The following C8orf34 variants were observed in gnomAD, a reference collection of about 807,000 sequenced individuals.
C8orf34 encodes the protein uncharacterized protein C8orf34.
Under a neutral mutation model 68.3 loss-of-function variants are expected in C8orf34, and 65 were observed. The observed-to-expected ratio is 0.95, with a 90% CI of 0.78 to 1.17. C8orf34 has a LOEUF of 1.17. C8orf34 is among the 50% of genes most tolerant of loss of function. The probability of loss-of-function intolerance (pLI) is 0.00; values close to 1 mark genes in which losing one functional copy is unlikely to be tolerated. For missense variants in C8orf34, 664 were observed against 655.4 expected (o/e 1.01, Z -0.14); for synonymous variants, 244 against 241.2 (o/e 1.01, Z -0.11).
chr8:68,574,663 G>A (rs532929147), intron 7 of C8orf34, among the ~76,000 whole-genome samples: 2 of 152,006 alleles, frequency 1.3e-5, no homozygotes, highest in Non-Finnish European at 2.9e-5. Flanking sequence ...GTAACTTAAT[G>A]CATGTATTTG....
chr8:68,651,434 C>T (rs970633919), intron 8 of C8orf34, among the ~76,000 whole-genome samples: 3 of 152,258 alleles, frequency 2.0e-5, no homozygotes, highest in African/African-American at 7.2e-5. Flanking sequence ...AGGGTAAACT[C>T]CTTTTCTCTT....
At chr8:68,567,426 C>T (rs564489734) in intron 7 of C8orf34, among the ~76,000 whole-genome samples, 3 of 152,024 alleles carry the variant, frequency 2.0e-5, no homozygotes, top group Admixed American at 2.0e-4. Flanking sequence ...TTCATGGTAG[C>T]CTCGAATGAT....
chr8:68,645,137 A>C (rs982424079), intron 8 of C8orf34, among the ~76,000 whole-genome samples: 2 of 152,174 alleles, frequency 1.3e-5, no homozygotes, highest in Non-Finnish European at 2.9e-5. Context: ...GGAGTGTGAC[A>C]AAAGGGATCT....
chr8:68,339,811 C>T (rs1008239093), intron 1 of C8orf34, among the ~76,000 whole-genome samples: 1 of 151,702 alleles, frequency 6.6e-6, no homozygotes, highest in Non-Finnish European at 1.5e-5. Context: ...TAAAATTAAA[C>T]ATTTGTTCTT....
chr8:68,783,990 T>G (rs1823770317), intron 11 of C8orf34, among the ~76,000 whole-genome samples: 1 of 152,196 alleles, frequency 6.6e-6, no homozygotes, highest in Non-Finnish European at 1.5e-5. Context: ...TTACTGATAC[T>G]TTATGTTAGT....
intron 8 of C8orf34, among the ~76,000 whole-genome samples, chr8:68,688,364 C>T (rs1391452477): frequency 6.6e-6 from 1 of 152,034 alleles, no homozygotes; most frequent in Non-Finnish European, 1.5e-5. Context: ...AAAAGCCCAT[C>T]TACCAATGAA....
At chr8:68,504,609 T>C (rs1813922421) in intron 5 of C8orf34, among the ~76,000 whole-genome samples, 1 of 152,172 alleles carries the variant, frequency 6.6e-6, no homozygotes, top group Non-Finnish European at 1.5e-5. Flanking sequence ...AACCTCCATC[T>C]TCTGGGTTCC....
chr8:68,356,799 A>C (rs1454282766), intron 1 of C8orf34, among the ~76,000 whole-genome samples: 1 of 152,118 alleles, frequency 6.6e-6, no homozygotes, highest in Non-Finnish European at 1.5e-5. Context: ...TATACTGATA[A>C]TTTTAGATTG....
intron 7 of C8orf34, among the ~76,000 whole-genome samples, chr8:68,576,362 A>C (rs1490403604): frequency 1.3e-5 from 2 of 151,676 alleles, no homozygotes; most frequent in African/African-American, 4.9e-5. Context: ...GCTAACATTC[A>C]AGCAGATTTT....
At chr8:68,682,548 C>T (rs1820401321) in intron 8 of C8orf34, among the ~76,000 whole-genome samples, 1 of 151,988 alleles carries the variant, frequency 6.6e-6, no homozygotes, top group Non-Finnish European at 1.5e-5. Context: ...CAGAATTCTC[C>T]TGTGTCTACA....
intron 7 of C8orf34, among the ~76,000 whole-genome samples, chr8:68,576,764 A>G (rs1816917154): frequency 6.6e-6 from 1 of 152,040 alleles, no homozygotes; most frequent in Non-Finnish European, 1.5e-5. Flanking sequence ...AAACATTTAA[A>G]TTTAAAATAT....
At chr8:68,460,117 A>G (rs559296877) in intron 3 of C8orf34, among the ~76,000 whole-genome samples, 220 of 152,126 alleles carry the variant, frequency 1.4e-3, no homozygotes, top group African/African-American at 4.8e-3. Context: ...AAGCTTAAAA[A>G]ACGGAGTACC....
chr8:68,483,331 GAAGA>G (rs1210348894), intron 4 of C8orf34, among the ~76,000 whole-genome samples: 2 of 152,200 alleles, frequency 1.3e-5, no homozygotes, highest in African/African-American at 4.8e-5. Context: ...CTGAAAGGCT[GAAGA>G]AAGAGGCTGC....
intron 10 of C8orf34, among the ~76,000 whole-genome samples, chr8:68,727,537 C>T (rs1821867094): frequency 6.6e-6 from 1 of 152,228 alleles, no homozygotes; most frequent in East Asian, 1.9e-4. Flanking sequence ...GGGGCTCCAC[C>T]CCTACATTTC....
Position 68,524,944 on chromosome 8 carries a change from T to C in C8orf34, c.938+2973T>C, listed in dbSNP as rs544750920. On this transcript the variant is annotated intron_variant, in intron 6 of 13. Transcript: ENST00000518698. ...AATCACCTTATTAAAACAAAAATAA[T>C]ATCCATAAATACTGTAGATCTGGTG... 3.9e-5 allele frequency among the ~76,000 whole-genome samples: 6 copies of C among 152,290 alleles called. No individual in the cohort carries two copies. In the South Asian group the frequency reaches 1.2e-3, roughly 32 times the overall value.
At chr8:68,469,932 TTGTGTGTGTG>T (rs34106520) in intron 4 of C8orf34, among the ~76,000 whole-genome samples, 2 of 148,986 alleles carry the variant, frequency 1.3e-5, no homozygotes, top group African/African-American at 4.9e-5. Context: ...ATTTGGTATT[TTGTGTGTGTG>T]TGTGTGTGTG....
chr8:68,447,519 T>C (rs1389751280), intron 3 of C8orf34: 2 of 152,190 alleles, frequency 1.3e-5, no homozygotes, highest in Non-Finnish European at 2.9e-5. Context: ...AAAAGAGAAC[T>C]TGCAAGCTGT....
chr8:68,515,086 GATT>G (rs895912566), intron 5 of C8orf34, among the ~76,000 whole-genome samples: 3 of 152,126 alleles, frequency 2.0e-5, no homozygotes, highest in Non-Finnish European at 2.9e-5. Context: ...TAATTAGCTA[GATT>G]ATTGTAATCA....
chr8:68,473,638 G>T (rs1563469370), intron 4 of C8orf34, among the ~76,000 whole-genome samples: 1 of 152,106 alleles, frequency 6.6e-6, no homozygotes, highest in Non-Finnish European at 1.5e-5. Context: ...TCATTAAAAG[G>T]AAAACCTTAC....
Sources: gnomAD v4.1 joint callset for allele counts (sites outside exome capture counted in the v4.1 genomes callset) on GRCh38, gnomAD v4.1.1 for gene constraint, MANE v1.5 for transcripts, NCBI Gene and HGNC (gene_info 2026-07-23, HGNC 2026-07-21) for gene names.